The following KLF7 variants were observed in gnomAD, a reference collection of about 807,000 sequenced individuals.
KLF7 encodes Krueppel-like factor 7.
In KLF7, 2 loss-of-function variants were observed where a neutral mutation model predicts 27.3. That is an observed-to-expected ratio of 0.07 (90% CI 0.03 to 0.23). KLF7 has a LOEUF of 0.23. Among genes scored for constraint, KLF7 ranks in the 10% least tolerant of loss-of-function variants. KLF7 has a pLI of 1.00. For missense variants in KLF7, 221 were observed against 394.1 expected (o/e 0.56, Z 3.72); for synonymous variants, 165 against 162.4 (o/e 1.02, Z -0.12).
intron 1 of KLF7, chr2:207,134,286 G>A (rs997524492): frequency 4.2e-5 from 25 of 595,720 alleles, no homozygotes; most frequent in Admixed American, 2.0e-4. Context: ...AGACACATAC[G>A]ATTACTTCTT....
At chr2:207,167,201 C>T, upstream of KLF7, 1 of 1,362,618 alleles carries the variant, frequency 7.3e-7, no homozygotes, top group Non-Finnish European at 9.5e-7. Context: ...CTCGATTTCT[C>T]GTTTTCTGGA....
chr2:207,145,297 A>G (rs1010920883), intron 1 of KLF7, among the ~76,000 whole-genome samples: 2 of 152,226 alleles, frequency 1.3e-5, no homozygotes, highest in African/African-American at 2.4e-5. Flanking sequence ...TTTTTTTCCA[A>G]TGGAAGAAAT....
chr2:207,093,680 A>C (rs1181600419), intron 2 of KLF7, among the ~76,000 whole-genome samples: 1 of 152,246 alleles, frequency 6.6e-6, no homozygotes, highest in African/African-American at 2.4e-5. Flanking sequence ...TGATACCAAC[A>C]GCACTAAAGC....
At chr2:207,119,366 GAAGT>G (rs2105969674) in intron 2 of KLF7, among the ~76,000 whole-genome samples, 1 of 152,140 alleles carries the variant, frequency 6.6e-6, no homozygotes, top group Admixed American at 6.5e-5. Context: ...TCTCTTCTCA[GAAGT>G]AATTAAGAAG....
intron 1 of KLF7, among the ~76,000 whole-genome samples, chr2:207,157,983 C>T (rs2078437324): frequency 6.6e-6 from 1 of 151,988 alleles, no homozygotes; most frequent in South Asian, 2.1e-4. Flanking sequence ...GGTAGAACAA[C>T]CCCAAAGCCC....
At chr2:207,082,413 A>G (rs1485499445) in intron 3 of KLF7, among the ~76,000 whole-genome samples, 1 of 152,224 alleles carries the variant, frequency 6.6e-6, no homozygotes, top group Non-Finnish European at 1.5e-5. Flanking sequence ...GAAAGAGTCC[A>G]GATGATAATA....
At chr2:207,135,316 TA>T (rs11286796) in intron 1 of KLF7, among the ~76,000 whole-genome samples, 54,314 of 148,182 alleles carry the variant, frequency 0.37, 10,576 homozygotes, top group East Asian at 0.54. Context: ...ATTGAGTGGT[TA>T]AAAAAAAAAA....
At chr2:207,170,779 A>G (rs1574617114), upstream of KLF7, among the ~76,000 whole-genome samples, 1 of 152,194 alleles carries the variant, frequency 6.6e-6, no homozygotes, top group South Asian at 2.1e-4. Context: ...TCTTTAGGAA[A>G]AAAGATTCCT....
At chr2:207,166,999 C>A, upstream of KLF7, 1 of 825,770 alleles carries the variant, frequency 1.2e-6, no homozygotes, top group South Asian at 4.8e-5. Flanking sequence ...GAGACCTGGT[C>A]GGGAGTCCGG....
chr2:207,093,435 T>G (rs1046793074), intron 2 of KLF7, among the ~76,000 whole-genome samples: 1 of 152,176 alleles, frequency 6.6e-6, no homozygotes, highest in Non-Finnish European at 1.5e-5. Flanking sequence ...GCCTTTGCAC[T>G]GGCTCCTCGC....
chr2:207,128,113 G>A (rs62188621), intron 1 of KLF7, among the ~76,000 whole-genome samples: 1,650 of 152,196 alleles, frequency 0.011, 14 homozygotes, highest in Non-Finnish European at 0.018. Flanking sequence ...AATAGTTGTT[G>A]GAAGGGCTGG....
intron 2 of KLF7, chr2:207,110,049 AT>A (rs1345273529): frequency 6.5e-6 from 1 of 154,856 alleles, no homozygotes; most frequent in Non-Finnish European, 1.5e-5. Context: ...CATATTGTCC[AT>A]TGTATCTGGG....
chr2:207,143,421 A>G (rs1371723776), intron 1 of KLF7, among the ~76,000 whole-genome samples: 1 of 131,630 alleles, frequency 7.6e-6, no homozygotes, highest in African/African-American at 2.7e-5. Flanking sequence ...TCCATTTACC[A>G]AAAAAAAAAA....
intron 1 of KLF7, among the ~76,000 whole-genome samples, chr2:207,159,106 C>A (rs1235840161): frequency 6.6e-6 from 1 of 152,218 alleles, no homozygotes; most frequent in East Asian, 1.9e-4. Flanking sequence ...GAGAACCTGA[C>A]TTTCAAAATG....
At chr2:207,108,104 A>G (rs183499533) in intron 2 of KLF7, among the ~76,000 whole-genome samples, 2 of 152,326 alleles carry the variant, frequency 1.3e-5, no homozygotes, top group East Asian at 3.9e-4. Context: ...GGATGTATGA[A>G]AAGTTTTCCC....
intron 1 of KLF7, among the ~76,000 whole-genome samples, chr2:207,159,702 C>G (rs1383755710): frequency 6.6e-6 from 1 of 152,188 alleles, no homozygotes; most frequent in Non-Finnish European, 1.5e-5. Context: ...TGGTATCCCC[C>G]TGAAATCAGA....
At chr2:207,117,422 C>CTCCT (rs1407793952) in intron 2 of KLF7, among the ~76,000 whole-genome samples, 2 of 152,160 alleles carry the variant, frequency 1.3e-5, no homozygotes, top group Non-Finnish European at 2.9e-5. Flanking sequence ...TTATCAAACC[C>CTCCT]TCCTATTCAG....
At chr2:207,123,630 T>C in intron 2 of KLF7, 144 bp downstream of exon 2, 1 of 827,232 alleles carries the variant, frequency 1.2e-6, no homozygotes, top group Non-Finnish European at 1.9e-6. Flanking sequence ...GAGTCATTCT[T>C]TGTCCCTACC....
At chr2:207,085,427 A>G (rs191416777) in intron 3 of KLF7, among the ~76,000 whole-genome samples, 1 of 152,238 alleles carries the variant, frequency 6.6e-6, no homozygotes, top group African/African-American at 2.4e-5. Context: ...ACTGATGGAA[A>G]CTGAGCCCTA....
Sources: allele counts gnomAD v4.1 joint callset (sites outside exome capture counted in the v4.1 genomes callset), GRCh38; gene constraint gnomAD v4.1.1; transcripts MANE v1.5; gene names NCBI Gene and HGNC (gene_info 2026-07-23, HGNC 2026-07-21).